Variants in INSIG2 observed in about 807,000 individuals in gnomAD.
INSIG2 encodes insulin induced gene 2.
INSIG2 carries 10 observed loss-of-function variants against 27.2 expected under a neutral mutation model. The ratio of observed to expected loss-of-function variants is 0.37; its 90% CI spans 0.23 to 0.62. The LOEUF is 0.62. Among genes scored for constraint, INSIG2 ranks in the 20% least tolerant of loss-of-function variants. The pLI, the probability that INSIG2 is intolerant of heterozygous loss-of-function variation, is 0.65. For missense variants in INSIG2, 178 were observed against 270.2 expected (o/e 0.66, Z 2.39); for synonymous variants, 97 against 95.8 (o/e 1.01, Z -0.07).
In INSIG2 at chr2:118,096,518, A is replaced by ATTTT; in HGVS notation, c.-29_-26dup. ...AGCTTTTCAGCTGGGAAGCCTTTCC[A>ATTTT]TTTTTTTTTTTTTAACGGCTTTCTG... On this transcript the variant is annotated 5_prime_UTR_variant, in exon 2 of 6. Coordinates refer to ENST00000245787, the MANE Select transcript of INSIG2 (RefSeq NM_016133.4). 7.2e-7 allele frequency: 1 copy of ATTTT among 1,385,684 alleles called. No individual in the cohort carries two copies. Among genetic ancestry groups the ATTTT allele is most frequent in the Admixed American group, 2.2e-5 (1 of 45,016 alleles). 85.8% of individuals were successfully genotyped at this position (1,385,684 alleles called of 1,614,324 possible).
At chr2:118,092,942 A>G (rs1370360030) in intron 1 of INSIG2, among the ~76,000 whole-genome samples, 1 of 147,244 alleles carries the variant, frequency 6.8e-6, no homozygotes, top group African/African-American at 2.6e-5. Flanking sequence ...GATTATGATG[A>G]TGATGAGGAG....
At chr2:118,105,120 A>G (rs1369910142) in intron 3 of INSIG2, among the ~76,000 whole-genome samples, 1 of 152,172 alleles carries the variant, frequency 6.6e-6, no homozygotes, top group African/African-American at 2.4e-5. Flanking sequence ...GGCTCACTGC[A>G]AGCTTCGCCT....
intron 1 of INSIG2, among the ~76,000 whole-genome samples, chr2:118,094,101 TGATGAGGAGGAG>T (rs1295539532): frequency 0.086 from 3,860 of 45,054 alleles, 624 homozygotes; most frequent in East Asian, 0.15. Flanking sequence ...ATGATGATGA[TGATGAGGAGGAG>T]GAGGAGGAGG....
intron 1 of INSIG2, among the ~76,000 whole-genome samples, chr2:118,092,832 A>G (rs1453875631): frequency 6.7e-6 from 1 of 149,068 alleles, no homozygotes; most frequent in Non-Finnish European, 1.5e-5. Context: ...AGAGTTCTGT[A>G]GCTACTGAAC....
At chr2:118,090,026 C>G (rs1288852149) in intron 1 of INSIG2, among the ~76,000 whole-genome samples, 2 of 152,154 alleles carry the variant, frequency 1.3e-5, no homozygotes, top group Non-Finnish European at 2.9e-5. Context: ...TTTAACGTCT[C>G]TAGCCCATGA....
chr2:118,110,181 C>G lies in INSIG2; in HGVS notation c.*1859C>G, dbSNP rs1441833442. On this transcript the variant is annotated 3_prime_UTR_variant, in exon 6 of 6. Transcript: ENST00000245787. ...TGAACAACAGGAGTTAGGGGCACCA[C>G]TCCCCAACATAGTTGAAAATCCATG... 2 of 152,186 alleles carry G rather than the reference C, an allele frequency of 1.3e-5. No homozygotes were observed. The highest frequency in any genetic ancestry group is 2.9e-5 in the Non-Finnish European group (2 of 68,038). 9.4% of individuals were successfully genotyped at this position (152,186 alleles called of 1,614,324 possible). A position where few individuals can be genotyped will look rare whatever the true frequency, so the allele number is the denominator to read the frequency against.
At chr2:118,104,564 A>T (rs775428169) in intron 3 of INSIG2, among the ~76,000 whole-genome samples, 1 of 152,248 alleles carries the variant, frequency 6.6e-6, no homozygotes. Context: ...ATCATATACT[A>T]TTATATCTAG....
Position 118,110,409 on chromosome 2 carries a change from C to T in INSIG2, c.*2087C>T, listed in dbSNP as rs150819265. The stretch of plus-strand genomic sequence containing the variant: ...GTGGACCATCCTAAAAGTCTTCACT[C>T]ATGCTATCTTCATGCTGAGTAGTAG... On this transcript the variant is annotated 3_prime_UTR_variant, in exon 6 of 6. Coordinates refer to ENST00000245787, the MANE Select transcript of INSIG2 (RefSeq NM_016133.4). The T allele has an allele frequency of 6.6e-6, 1 of 151,312 alleles. No homozygotes were observed. Among genetic ancestry groups the T allele is most frequent in the Non-Finnish European group, 1.5e-5 (1 of 67,924 alleles). 9.4% of individuals were successfully genotyped at this position (151,312 alleles called of 1,614,324 possible).
chr2:118,108,146 A>G (rs1480125043), intron 5 of INSIG2, 135 bp from the exon 6 acceptor site: 1 of 576,058 alleles, frequency 1.7e-6, no homozygotes, highest in Non-Finnish European at 3.1e-6. Flanking sequence ...TAATTATGTA[A>G]CTCTTGGATT....
At chr2:118,098,498 G>A (rs1191463020) in intron 2 of INSIG2, among the ~76,000 whole-genome samples, 1 of 152,172 alleles carries the variant, frequency 6.6e-6, no homozygotes, top group Non-Finnish European at 1.5e-5. Context: ...TGCTGGGGAA[G>A]GGAAAAGGAA....
intron 1 of INSIG2, 95 bp from the exon 2 acceptor site, chr2:118,096,324 A>G (rs1678403143): frequency 2.5e-6 from 1 of 403,310 alleles, no homozygotes; most frequent in South Asian, 5.0e-5. Context: ...TCATTTTCTT[A>G]TTTGTCCATT....
At chr2:118,105,634 A>G (rs1209147551) in intron 3 of INSIG2, among the ~76,000 whole-genome samples, 1 of 152,232 alleles carries the variant, frequency 6.6e-6, no homozygotes, top group South Asian at 2.1e-4. Flanking sequence ...GGAGTTGCCC[A>G]CAATAGTCCT....
chr2:118,097,151 G>T (rs748442796), intron 2 of INSIG2, among the ~76,000 whole-genome samples: 1 of 110,570 alleles, frequency 9.0e-6, no homozygotes. Flanking sequence ...GGCTCATAAC[G>T]TATGTACTCC....
intron 2 of INSIG2, among the ~76,000 whole-genome samples, chr2:118,098,431 C>G (rs1440624588): frequency 6.6e-6 from 1 of 152,158 alleles, no homozygotes; most frequent in African/African-American, 2.4e-5. Flanking sequence ...AGAAAGAAAA[C>G]CAGTGAGCCC....
chr2:118,105,155 C>T (rs576330704), intron 3 of INSIG2, among the ~76,000 whole-genome samples: 1 of 152,320 alleles, frequency 6.6e-6, no homozygotes, highest in African/African-American at 2.4e-5. Flanking sequence ...ATTCTCCTGC[C>T]TCAGCCTCCT....
At chr2:118,103,905 T>C (rs1678611235) in intron 3 of INSIG2, among the ~76,000 whole-genome samples, 1 of 152,176 alleles carries the variant, frequency 6.6e-6, no homozygotes, top group Non-Finnish European at 1.5e-5. Flanking sequence ...TTTTATTTAG[T>C]GGTTAATGAG....
chr2:118,108,472 A>C lies in INSIG2; in HGVS notation c.*150A>C. The C allele has an allele frequency of 1.9e-6, 1 of 523,562 alleles. No homozygotes were observed. The highest frequency in any genetic ancestry group is 3.4e-6 in the Non-Finnish European group (1 of 290,962). 32.4% of individuals were successfully genotyped at this position (523,562 alleles called of 1,614,324 possible). ...TGTATATATGGATAAATATATATAT[A>C]CACACACACATATTACTGCAATCTG... On this transcript the variant is annotated 3_prime_UTR_variant, in exon 6 of 6. Coordinates refer to ENST00000245787, the MANE Select transcript of INSIG2 (RefSeq NM_016133.4).
At chr2:118,106,688 ATAT>A in intron 3 of INSIG2, 46 bp from the exon 4 acceptor site, 1 of 1,477,338 alleles carries the variant, frequency 6.8e-7, no homozygotes, top group Non-Finnish European at 9.4e-7. Flanking sequence ...TGAACAGATG[ATAT>A]TATTTGGTTA....
intron 1 of INSIG2, among the ~76,000 whole-genome samples, chr2:118,092,800 A>AATG (rs201013369): frequency 6.6e-6 from 1 of 151,378 alleles, no homozygotes; most frequent in Non-Finnish European, 1.5e-5. Flanking sequence ...TATAAAGAAT[A>AATG]ATGATGATGA....
Sources: gnomAD v4.1 joint callset for allele counts (sites outside exome capture counted in the v4.1 genomes callset) on GRCh38, gnomAD v4.1.1 for gene constraint, MANE v1.5 for transcripts, NCBI Gene and HGNC (gene_info 2026-07-23, HGNC 2026-07-21) for gene names.